ITIH2: variants seen among roughly 807,000 people sequenced by gnomAD.
ITIH2 encodes the protein inter-alpha-trypsin inhibitor heavy chain 2, also known as inter-alpha-trypsin inhibitor heavy chain H2.
A neutral mutation model predicts 104.4 loss-of-function variants in ITIH2; 103 were observed. The observed-to-expected ratio is 0.99, with a 90% CI of 0.84 to 1.16. The LOEUF (loss-of-function observed/expected upper bound fraction) is 1.16. ITIH2 is among the 50% of genes most tolerant of loss of function. The pLI, the probability that ITIH2 is intolerant of heterozygous loss-of-function variation, is 0.00. For missense variants in ITIH2, 1,108 were observed against 1,162.4 expected (o/e 0.95, Z 0.68); for synonymous variants, 436 against 435.4 (o/e 1.00, Z -0.02).
In ITIH2 at chr10:7,714,165, A is replaced by ATTT. The variant is rs996413668; in HGVS notation, c.467+902_467+904dup. On this transcript the variant is annotated intron_variant, in intron 5 of 20. Transcript: ENST00000358415. Reference sequence around the variant, plus strand: ...TCACTCCTTGCACTGCACACTCACTATTTTTTTTTTTTTTTTTTTTTTTTG... The same window carrying ATTT: ...TCACTCCTTGCACTGCACACTCACTATTTTTTTTTTTTTTTTTTTTTTTTTTTG... 6.3e-3 allele frequency among the ~76,000 whole-genome samples: 530 copies of ATTT among 84,012 alleles called. 37 individuals are homozygous for ATTT. The highest frequency in any genetic ancestry group is 0.019 in the African/African-American group (378 of 19,630). 55.1% of individuals were successfully genotyped at this position (84,012 alleles called of 152,430 possible).
At chr10:7,709,922 C>T (rs899341133) in intron 4 of ITIH2, among the ~76,000 whole-genome samples, 1 of 151,980 alleles carries the variant, frequency 6.6e-6, no homozygotes, top group African/African-American at 2.4e-5. Flanking sequence ...GGCGTGATCT[C>T]GGCTCACTGC....
At chr10:7,724,057 A>G (rs1370184525) in intron 9 of ITIH2, among the ~76,000 whole-genome samples, 5 of 152,194 alleles carry the variant, frequency 3.3e-5, no homozygotes, top group African/African-American at 1.2e-4. Flanking sequence ...GCAGCTATCC[A>G]TCTTATGTTT....
intron 11 of ITIH2, among the ~76,000 whole-genome samples, chr10:7,728,329 GGCA>G (rs1834969845): frequency 6.6e-6 from 1 of 152,052 alleles, no homozygotes; most frequent in Non-Finnish European, 1.5e-5. Flanking sequence ...CTACAAAATG[GGCA>G]GCAACATCTC....
Position 7,729,963 on chromosome 10 carries a change from C to A in ITIH2, c.1291C>A (p.Leu431Met). The A allele has an allele frequency of 6.3e-7, 1 of 1,599,172 alleles. No individual in the cohort carries two copies. The highest frequency in any genetic ancestry group is 8.5e-7 in the Non-Finnish European group (1 of 1,174,288). ...ATCACCAACTTTAGGCGAACTAAAA[C>A]TGTCAAAAATTCAGAAAAACGTTAA... The part of the protein sequence containing the change: ...DGDPTVGELK[L>M]SKIQKNVKEN... The change falls in exon 12 of 21, where the codon CTG (leucine) becomes ATG (methionine). Residue 431 changes from leucine to methionine, a missense_variant. Transcript: ENST00000358415.
chr10:7,703,553 T>C, intron 1 of ITIH2, 35 bp downstream of exon 1: 2 of 1,296,702 alleles, frequency 1.5e-6, no homozygotes, highest in Non-Finnish European at 2.2e-6. Flanking sequence ...GCTGTTGGCT[T>C]GTTCATGAGC....
At chr10:7,731,161 G>A (rs1301881757) in intron 12 of ITIH2, among the ~76,000 whole-genome samples, 3 of 151,990 alleles carry the variant, frequency 2.0e-5, no homozygotes, top group East Asian at 1.9e-4. Flanking sequence ...CAGGTGATCC[G>A]CCTGCCTTGG....
chr10:7,742,430 T>A (rs1835135413), intron 16 of ITIH2, among the ~76,000 whole-genome samples: 1 of 152,170 alleles, frequency 6.6e-6, no homozygotes, highest in Non-Finnish European at 1.5e-5. Flanking sequence ...TCCTGCATTG[T>A]ATATGGCTCC....
chr10:7,739,524 G>A (rs1357569093), intron 16 of ITIH2, among the ~76,000 whole-genome samples: 1 of 152,074 alleles, frequency 6.6e-6, no homozygotes, highest in Non-Finnish European at 1.5e-5. Flanking sequence ...TGGTTCTCCA[G>A]GTTGTATGCC....
chr10:7,748,029 AC>A (rs1050885098), intron 20 of ITIH2, among the ~76,000 whole-genome samples: 2 of 147,734 alleles, frequency 1.4e-5, no homozygotes, highest in Admixed American at 6.8e-5. Context: ...ACATGTTGAA[AC>A]CCCCCCCATC....
rs527593965 is a variant in ITIH2, at chr10:7,722,068, G to A, written c.867+291G>A. Among the ~76,000 whole-genome samples the A allele has an allele frequency of 2.0e-5, 3 of 152,198 alleles. No homozygotes were observed. The South Asian group carries it at 6.2e-4, about 32-fold the overall frequency. On this transcript the variant is annotated intron_variant, in intron 8 of 20. Coordinates refer to ENST00000358415, the MANE Select transcript of ITIH2 (RefSeq NM_002216.3). Reference sequence around the variant, plus strand: ...CAGGAATTTTAAATAGGCTCCCAAGGCCCTTTGCAATTAGACAATCAAAGA... The same window carrying A: ...CAGGAATTTTAAATAGGCTCCCAAGACCCTTTGCAATTAGACAATCAAAGA...
intron 16 of ITIH2, among the ~76,000 whole-genome samples, chr10:7,739,877 A>C (rs1207343612): frequency 6.6e-6 from 1 of 152,096 alleles, no homozygotes; most frequent in African/African-American, 2.4e-5. Flanking sequence ...TGACAGAGGG[A>C]GACCCTGTTT....
chr10:7,721,638 G>A lies in ITIH2; in HGVS notation c.739-11G>A, dbSNP rs372146767. The stretch of plus-strand genomic sequence containing the variant: ...TAGAGGCAGAGGCTCTGATGTCACC[G>A]TTCTTTCTAGGCGCACGTCTCCTTC... On this transcript the variant is annotated splice_polypyrimidine_tract_variant and intron_variant, in intron 7 of 20. Transcript: ENST00000358415. The A allele has an allele frequency of 6.2e-6, 10 of 1,612,016 alleles. No homozygotes were observed. The highest frequency in any genetic ancestry group is 5.0e-5 in the Admixed American group (3 of 59,900).
Position 7,723,550 on chromosome 10 carries a change from G to A in ITIH2, c.967G>A (p.Gly323Arg). The A allele has an allele frequency of 6.2e-7, 1 of 1,611,538 alleles. No homozygotes were observed. The highest frequency in any genetic ancestry group is 2.2e-5 in the East Asian group (1 of 44,870). ...FVIDVSGSMW[G>R]VKMKQTVEAM... The stretch of plus-strand genomic sequence containing the variant: ...CATCGATGTGAGTGGCTCCATGTGG[G>A]GAGTTAAAATGAAACAAGTAAGTAC... Residue 323 changes from glycine to arginine, a missense_variant, in exon 9 of 21, where the codon GGA (glycine) becomes AGA (arginine). Gly to Arg is a moderately radical substitution (Grantham distance 125). Coordinates refer to ENST00000358415, the MANE Select transcript of ITIH2 (RefSeq NM_002216.3).
chr10:7,729,497 T>G (rs1435108068), intron 11 of ITIH2, among the ~76,000 whole-genome samples: 1 of 152,222 alleles, frequency 6.6e-6, no homozygotes, highest in Non-Finnish European at 1.5e-5. Context: ...TATGTGTATA[T>G]GCATACATAC....
At chr10:7,709,640 G>A (rs1183854220) in intron 4 of ITIH2, among the ~76,000 whole-genome samples, 1 of 152,020 alleles carries the variant, frequency 6.6e-6, no homozygotes, top group African/African-American at 2.4e-5. Flanking sequence ...TAACACCGCT[G>A]ACAAGTGTGT....
At chr10:7,742,744 A>T (rs1160636238) in intron 16 of ITIH2, among the ~76,000 whole-genome samples, 1 of 152,264 alleles carries the variant, frequency 6.6e-6, no homozygotes, top group Non-Finnish European at 1.5e-5. Context: ...ATCCTGTCTC[A>T]AAAAACACCC....
rs1318454036 is a variant in ITIH2 at position 7,721,742 on chromosome 10, G to A, written c.832G>A (p.Asp278Asn). The change falls in exon 8 of 21, where the codon GAC becomes AAC. Residue 278 changes from aspartate to asparagine, a missense_variant. Asp to Asn is a conservative substitution (Grantham distance 23). Coordinates refer to ENST00000358415, the MANE Select transcript of ITIH2 (RefSeq NM_002216.3). Reference sequence around the variant, plus strand: ...AGATGGGGAACTGGTGGTGCTGTATGACGTGAAAAGAGAAGAGAAGGCTGG... The same window carrying A: ...AGATGGGGAACTGGTGGTGCTGTATAACGTGAAAAGAGAAGAGAAGGCTGG... ...AVDGELVVLY[D>N]VKREEKAGEL... The A allele has an allele frequency of 6.2e-7, 1 of 1,614,076 alleles. No homozygotes were observed. The highest frequency in any genetic ancestry group is 1.7e-5 in the Admixed American group (1 of 60,014).
At position 7,743,247 on chromosome 10, in the gene ITIH2, G is replaced by T; in HGVS notation, c.2197G>T (p.Asp733Tyr). The part of the protein sequence containing the change: ...EPGKILNLVS[D>Y]PESGIVVNGQ... The stretch of plus-strand genomic sequence containing the variant: ...TGGAAAAATCCTCAACCTGGTTTCT[G>T]ACCCAGAATCAGGTAAAATAAAAAT... The change falls in exon 17 of 21, where the codon GAC becomes TAC. Residue 733 changes from aspartate (D) to tyrosine (Y), a missense_variant. Asp to Tyr is a radical substitution (Grantham distance 160). Transcript: ENST00000358415. The T allele has an allele frequency of 6.5e-7, 1 of 1,549,496 alleles. No homozygotes were observed. The highest frequency in any genetic ancestry group is 1.2e-5 in the South Asian group (1 of 83,956).
chr10:7,719,578 G>A (rs982890726), intron 6 of ITIH2, among the ~76,000 whole-genome samples: 15 of 151,780 alleles, frequency 9.9e-5, no homozygotes, highest in African/African-American at 7.3e-5. Flanking sequence ...GCAGCACAGC[G>A]ATACCTCACC....
Sources: allele counts gnomAD v4.1 joint callset (sites outside exome capture counted in the v4.1 genomes callset), GRCh38; gene constraint gnomAD v4.1.1; transcripts MANE v1.5; gene names NCBI Gene and HGNC (gene_info 2026-07-23, HGNC 2026-07-21).